AGBL3: variants seen among roughly 807,000 people sequenced by gnomAD.
The protein encoded by AGBL3 is AGBL carboxypeptidase 3.
A neutral mutation model predicts 94.5 loss-of-function variants in AGBL3; 68 were observed. The ratio of observed to expected loss-of-function variants is 0.72; its 90% confidence interval spans 0.59 to 0.88. The LOEUF (loss-of-function observed/expected upper bound fraction) is 0.88, where lower values mean the gene tolerates loss of function less well. Among genes scored for constraint, AGBL3 ranks in the 40% least tolerant of loss-of-function variants. AGBL3 has a pLI of 0.00. For missense variants in AGBL3, 934 were observed against 1,103.8 expected (o/e 0.85, Z 2.18); for synonymous variants, 354 against 370.7 (o/e 0.95, Z 0.52).
intron 4 of AGBL3, chr7:135,010,296 G>GTT (rs760455127): frequency 4.8e-5 from 12 of 251,466 alleles, no homozygotes; most frequent in African/African-American, 9.6e-5. Flanking sequence ...AAAGTGCTGG[G>GTT]TTTTTTTTTG....
chr7:135,108,879 C>G (rs1825180717), intron 15 of AGBL3, among the ~76,000 whole-genome samples: 1 of 152,136 alleles, frequency 6.6e-6, no homozygotes, highest in African/African-American at 2.4e-5. Context: ...TTGTTCATTC[C>G]TTTTTATTCT....
chr7:135,128,598 G>A, intron 16 of AGBL3: 2 of 773,756 alleles, frequency 2.6e-6, no homozygotes, highest in Non-Finnish European at 4.8e-6. Flanking sequence ...AGCGCTATCT[G>A]CTCTATGGGA....
At chr7:135,057,224 A>G (rs913731213) in intron 11 of AGBL3, among the ~76,000 whole-genome samples, 5 of 152,168 alleles carry the variant, frequency 3.3e-5, no homozygotes, top group African/African-American at 1.2e-4. Flanking sequence ...AACTAGAAGC[A>G]ACTTTACACC....
chr7:135,068,809 T>A (rs1447219437), intron 12 of AGBL3, among the ~76,000 whole-genome samples: 1 of 152,266 alleles, frequency 6.6e-6, no homozygotes, highest in East Asian at 1.9e-4. Flanking sequence ...CCATCGATGC[T>A]AGGAAGAAAC....
intron 12 of AGBL3, among the ~76,000 whole-genome samples, chr7:135,075,534 A>G (rs1820366346): frequency 6.6e-6 from 1 of 152,228 alleles, no homozygotes; most frequent in Non-Finnish European, 1.5e-5. Flanking sequence ...TGAACATAAC[A>G]TTAGTGTACA....
intron 15 of AGBL3, among the ~76,000 whole-genome samples, chr7:135,102,603 A>T (rs201130519): frequency 2.5e-5 from 1 of 40,758 alleles, no homozygotes; most frequent in Non-Finnish European, 6.4e-5. Context: ...AGTATGAGAG[A>T]ACTTTGGTCC....
At chr7:135,126,844 C>G (rs1459425568) in intron 16 of AGBL3, among the ~76,000 whole-genome samples, 2 of 152,160 alleles carry the variant, frequency 1.3e-5, no homozygotes, top group African/African-American at 2.4e-5. Flanking sequence ...GGACCCCTTC[C>G]TTACACCTTA....
intron 3 of AGBL3, among the ~76,000 whole-genome samples, chr7:134,991,389 C>A (rs909403249): frequency 1.3e-5 from 2 of 152,078 alleles, no homozygotes; most frequent in Non-Finnish European, 2.9e-5. Context: ...CCTGGGTCTT[C>A]TGTTAAGAAA....
chr7:135,067,512 A>G (rs895663140), intron 12 of AGBL3, among the ~76,000 whole-genome samples: 3 of 152,202 alleles, frequency 2.0e-5, no homozygotes, highest in Admixed American at 1.3e-4. Flanking sequence ...CTGACACCTC[A>G]CACGGCCCGG....
chr7:135,045,126 C>T (rs1337101984), intron 9 of AGBL3, among the ~76,000 whole-genome samples: 1 of 151,980 alleles, frequency 6.6e-6, no homozygotes, highest in African/African-American at 2.4e-5. Context: ...ACTGATATAA[C>T]ATTTGTGATG....
At chr7:135,014,024 A>C (rs1048245848) in intron 4 of AGBL3, among the ~76,000 whole-genome samples, 2 of 151,828 alleles carry the variant, frequency 1.3e-5, no homozygotes, top group African/African-American at 4.8e-5. Flanking sequence ...GTGGAACTCC[A>C]TCTCTACTAA....
intron 15 of AGBL3, among the ~76,000 whole-genome samples, chr7:135,107,551 C>T (rs1281904747): frequency 6.6e-6 from 1 of 152,010 alleles, no homozygotes; most frequent in Non-Finnish European, 1.5e-5. Context: ...ATCTTGATTT[C>T]TATTTTTATT....
intron 15 of AGBL3, among the ~76,000 whole-genome samples, chr7:135,104,063 C>T (rs1486010273): frequency 6.6e-6 from 1 of 152,134 alleles, no homozygotes; most frequent in African/African-American, 2.4e-5. Flanking sequence ...CCTCTCCCTC[C>T]TCCCACCCTT....
intron 3 of AGBL3, among the ~76,000 whole-genome samples, chr7:134,989,706 G>T (rs1563157963): frequency 6.6e-6 from 1 of 152,102 alleles, no homozygotes; most frequent in East Asian, 1.9e-4. Flanking sequence ...TGGACATCTT[G>T]ATGTATACTT....
At chr7:135,067,131 G>A (rs1200713985) in intron 12 of AGBL3, among the ~76,000 whole-genome samples, 1 of 152,168 alleles carries the variant, frequency 6.6e-6, no homozygotes, top group African/African-American at 2.4e-5. Context: ...ATGGAGCCTC[G>A]CTCATTGCTA....
chr7:135,029,393 C>G (rs890524116), intron 5 of AGBL3, among the ~76,000 whole-genome samples: 1 of 152,226 alleles, frequency 6.6e-6, no homozygotes. Flanking sequence ...TCACTTGCTG[C>G]TTAACCTTGT....
chr7:135,001,990 C>G (rs190261760), intron 4 of AGBL3, among the ~76,000 whole-genome samples: 4 of 152,196 alleles, frequency 2.6e-5, no homozygotes, highest in Non-Finnish European at 4.4e-5. Flanking sequence ...TGCTACTTCA[C>G]ACCATGGGTG....
chr7:135,067,201 CATTGCCG>C, intron 12 of AGBL3, among the ~76,000 whole-genome samples: 1 of 152,352 alleles, frequency 6.6e-6, no homozygotes. Flanking sequence ...GGGCACCCAC[CATTGCCG>C]AGGCTTGAGT....
intron 16 of AGBL3, among the ~76,000 whole-genome samples, chr7:135,117,694 T>C (rs927954254): frequency 1.3e-5 from 2 of 152,362 alleles, no homozygotes; most frequent in East Asian, 1.9e-4. Context: ...TGAGATCATC[T>C]GTTAAGAAAG....
Sources: gnomAD v4.1 joint callset for allele counts (sites outside exome capture counted in the v4.1 genomes callset) on GRCh38, gnomAD v4.1.1 for gene constraint, MANE v1.5 for transcripts, NCBI Gene and HGNC (gene_info 2026-07-23, HGNC 2026-07-21) for gene names.